KSR2: variants seen among roughly 807,000 people sequenced by gnomAD.
The protein encoded by KSR2 is kinase suppressor of ras 2.
KSR2 carries 25 observed loss-of-function variants against 107.8 expected under a neutral mutation model. The ratio of observed to expected loss-of-function variants is 0.23; its 90% CI spans 0.17 to 0.32. The LOEUF (loss-of-function observed/expected upper bound fraction) is 0.32, where lower values mean the gene tolerates loss of function less well. Among genes scored for constraint, KSR2 ranks in the 10% least tolerant of loss-of-function variants. The pLI, the probability that KSR2 is intolerant of heterozygous loss-of-function variation, is 1.00. For synonymous variants in KSR2, 480 were observed against 507.0 expected (o/e 0.95, Z 0.71); for missense variants, 887 against 1,268.9 (o/e 0.70, Z 4.57).
intron 4 of KSR2, among the ~76,000 whole-genome samples, chr12:117,708,424 C>G (rs1001113334): frequency 6.6e-6 from 1 of 152,046 alleles, no homozygotes; most frequent in African/African-American, 2.4e-5. Context: ...GTAGTAGCAC[C>G]AGAACCTGAA....
intron 1 of KSR2, among the ~76,000 whole-genome samples, chr12:117,961,208 G>T (rs1323836024): frequency 6.6e-6 from 1 of 152,108 alleles, no homozygotes; most frequent in Non-Finnish European, 1.5e-5. Context: ...ACTGATGAGG[G>T]CAACTTTGGG....
chr12:117,630,789 GACCAATGAGTGGT>G (rs1418219689), intron 5 of KSR2, among the ~76,000 whole-genome samples: 1 of 152,088 alleles, frequency 6.6e-6, no homozygotes, highest in African/African-American at 2.4e-5. Flanking sequence ...AAGAGATTGG[GACCAATGAGTGGT>G]ACCAATGAGT....
In KSR2 at chr12:117,968,931, G is replaced by T; in HGVS notation, c.-676C>A. 8.0e-6 allele frequency: 2 copies of T among 250,792 alleles called. No individual in the cohort carries two copies. The highest frequency in any genetic ancestry group is 5.0e-5 in the Admixed American group (1 of 20,072). The allele number at this position is 250,792 out of a possible 1,614,324, so 15.5% of individuals were successfully genotyped here. A position where few individuals can be genotyped will look rare whatever the true frequency, so the allele number is the denominator to read the frequency against. On this transcript the variant is annotated 5_prime_UTR_variant, in exon 1 of 20. Transcript: ENST00000339824. ...TGCTGCTGCCGCCGCCGGGCTCCGG[G>T]GGTGACGGTTGCTGCAATCGCTCCT... is the stretch of plus-strand genomic sequence containing the variant.
chr12:117,877,858 C>T (rs776645464), intron 1 of KSR2, among the ~76,000 whole-genome samples: 10 of 152,240 alleles, frequency 6.6e-5, no homozygotes, highest in Non-Finnish European at 1.0e-4. Flanking sequence ...GAATCAGGCA[C>T]TCCTGGGGAC....
intron 1 of KSR2, among the ~76,000 whole-genome samples, chr12:117,928,626 A>G (rs978333410): frequency 1.3e-5 from 2 of 152,204 alleles, no homozygotes; most frequent in Non-Finnish European, 2.9e-5. Flanking sequence ...TGTCATGAAC[A>G]CAAGTGAACA....
chr12:117,646,611 C>T (rs1477961085), intron 5 of KSR2, among the ~76,000 whole-genome samples: 1 of 152,110 alleles, frequency 6.6e-6, no homozygotes, highest in Non-Finnish European at 1.5e-5. Context: ...CCAAGGCAGG[C>T]CAATTAACCC....
At chr12:117,901,252 C>A (rs1409614540) in intron 1 of KSR2, among the ~76,000 whole-genome samples, 1 of 151,788 alleles carries the variant, frequency 6.6e-6, no homozygotes, top group Non-Finnish European at 1.5e-5. Context: ...TAAATATACA[C>A]CAAAATACAA....
chr12:117,883,762 G>A (rs1894093538), intron 1 of KSR2, among the ~76,000 whole-genome samples: 1 of 151,906 alleles, frequency 6.6e-6, no homozygotes, highest in Non-Finnish European at 1.5e-5. Flanking sequence ...TGTAATCCCA[G>A]CTACTTGGGA....
At chr12:117,856,865 G>A (rs891053748) in intron 2 of KSR2, among the ~76,000 whole-genome samples, 1 of 152,094 alleles carries the variant, frequency 6.6e-6, no homozygotes, top group African/African-American at 2.4e-5. Flanking sequence ...CTGATAGCCA[G>A]AAAGAAGAAA....
At chr12:117,539,472 C>T in intron 10 of KSR2, 2 of 451,378 alleles carry the variant, frequency 4.4e-6, no homozygotes, top group Non-Finnish European at 7.7e-6. Flanking sequence ...TCTGTTTCTT[C>T]ATCTGTAAAA....
At chr12:117,676,485 G>A (rs551777040) in intron 4 of KSR2, among the ~76,000 whole-genome samples, 1 of 152,058 alleles carries the variant, frequency 6.6e-6, no homozygotes, top group Non-Finnish European at 1.5e-5. Flanking sequence ...AAAAGAAGGG[G>A]AGGAGGAAGA....
chr12:117,490,693 G>C (rs1386320957), intron 14 of KSR2, among the ~76,000 whole-genome samples: 8 of 152,222 alleles, frequency 5.3e-5, no homozygotes, highest in African/African-American at 1.4e-4. Context: ...GCTGCACCCA[G>C]CCTAAATGGT....
chr12:117,750,493 A>T (rs1888575744), intron 4 of KSR2, among the ~76,000 whole-genome samples: 1 of 152,114 alleles, frequency 6.6e-6, no homozygotes, highest in Non-Finnish European at 1.5e-5. Flanking sequence ...TTTTAATTTC[A>T]ATTTTTTATA....
intron 1 of KSR2, among the ~76,000 whole-genome samples, chr12:117,947,934 T>C (rs1896248767): frequency 1.3e-5 from 2 of 152,122 alleles, no homozygotes; most frequent in South Asian, 2.1e-4. Flanking sequence ...TTAGTTAATA[T>C]AGTTAATATG....
intron 3 of KSR2, among the ~76,000 whole-genome samples, chr12:117,818,369 C>T (rs1016493544): frequency 1.3e-5 from 2 of 152,004 alleles, no homozygotes; most frequent in Admixed American, 6.6e-5. Context: ...GCCTAGGGCA[C>T]GTTGTGTGCC....
At chr12:117,512,441 A>G (rs1874081824) in intron 14 of KSR2, among the ~76,000 whole-genome samples, 1 of 152,210 alleles carries the variant, frequency 6.6e-6, no homozygotes, top group Non-Finnish European at 1.5e-5. Context: ...CCAGACCTGC[A>G]GCATCCGTAT....
chr12:117,959,854 C>T (rs952974199), intron 1 of KSR2, among the ~76,000 whole-genome samples: 5 of 151,476 alleles, frequency 3.3e-5, no homozygotes, highest in South Asian at 2.1e-4. Context: ...AGGACTGAGC[C>T]TGGGAGGTCG....
chr12:117,857,010 G>A (rs1893126321), intron 2 of KSR2, among the ~76,000 whole-genome samples: 1 of 152,092 alleles, frequency 6.6e-6, no homozygotes, highest in South Asian at 2.1e-4. Flanking sequence ...ACACATTGCT[G>A]GTGAGCCCCT....
intron 5 of KSR2, among the ~76,000 whole-genome samples, chr12:117,640,435 G>GA (rs5801246): frequency 0.081 from 12,325 of 152,156 alleles, 584 homozygotes; most frequent in Admixed American, 0.13. Context: ...ATTTTCAGTA[G>GA]AGATGGGGTT....
Sources: gnomAD v4.1 joint callset for allele counts (sites outside exome capture counted in the v4.1 genomes callset) on GRCh38, gnomAD v4.1.1 for gene constraint, MANE v1.5 for transcripts, NCBI Gene and HGNC (gene_info 2026-07-23, HGNC 2026-07-21) for gene names.